SCAPER: variants seen among roughly 807,000 people sequenced by gnomAD.
SCAPER encodes S-phase cyclin A associated protein in the ER, also known as S phase cyclin A-associated protein in the endoplasmic reticulum.
In SCAPER, 98 loss-of-function variants were observed where a neutral mutation model predicts 182.2. The ratio of observed to expected loss-of-function variants is 0.54; its 90% confidence interval spans 0.46 to 0.64. The LOEUF is 0.64. Ranked by LOEUF, SCAPER falls within the 30% of genes least tolerant of loss-of-function variation. The pLI is 0.00. For missense variants in SCAPER, 1,432 were observed against 1,690.0 expected (o/e 0.85, Z 2.68); for synonymous variants, 605 against 564.6 (o/e 1.07, Z -1.01).
At chr15:76,457,050 C>A (rs57858767) in intron 25 of SCAPER, among the ~76,000 whole-genome samples, 1 of 151,324 alleles carries the variant, frequency 6.6e-6, no homozygotes. Context: ...GCCTTGTAAC[C>A]GGAGGGCTTT....
chr15:76,607,749 C>T (rs1047994759), intron 22 of SCAPER, among the ~76,000 whole-genome samples: 3 of 143,178 alleles, frequency 2.1e-5, no homozygotes, highest in Non-Finnish European at 3.1e-5. Flanking sequence ...CTTCCCTTCT[C>T]GCTTCATTTC....
intron 24 of SCAPER, chr15:76,472,289 G>A (rs1304522377): frequency 6.3e-6 from 4 of 634,528 alleles, no homozygotes; most frequent in African/African-American, 5.5e-5. Context: ...CTGGCAGGGA[G>A]GGGAATAACC....
chr15:76,448,236 T>G lies in SCAPER; in HGVS notation c.3079-13926A>C, dbSNP rs376675511. ...TTTTGAAAAATGACTCATCACAATA[T>G]GTAGGCTGCTATGGGAAGGGTTACA... On this transcript the variant is annotated intron_variant, in intron 25 of 31. Coordinates refer to ENST00000563290, the MANE Select transcript of SCAPER (RefSeq NM_020843.4). Among the ~76,000 whole-genome samples, 8 of 152,240 alleles carry G rather than the reference T, an allele frequency of 5.3e-5. No homozygotes were observed. In the East Asian group the frequency reaches 1.4e-3, roughly 26 times the overall value.
At position 76,811,815 on chromosome 15, in the gene SCAPER, A is replaced by T. The variant is rs146947968; in HGVS notation, c.394-7182T>A. Among the ~76,000 whole-genome samples the T allele has an allele frequency of 9.1e-3, 1,381 of 151,762 alleles. 12 individuals are homozygous for T. Among genetic ancestry groups the T allele is most frequent in the African/African-American group, 0.021 (878 of 41,526 alleles). On this transcript the variant is annotated intron_variant, in intron 5 of 31. Transcript: ENST00000563290. Reference sequence around the variant, plus strand: ...AAAAATAAAAAATAAAAAAATAAAAAAAATAAAATAAAAAAGGGAAAACAA... The same window carrying T: ...AAAAATAAAAAATAAAAAAATAAAATAAATAAAATAAAAAAGGGAAAACAA...
At chr15:76,712,759 G>C (rs1471521673) in intron 17 of SCAPER, among the ~76,000 whole-genome samples, 1 of 151,998 alleles carries the variant, frequency 6.6e-6, no homozygotes, top group Non-Finnish European at 1.5e-5. Context: ...TGGTGTATAA[G>C]AATGCTTGTG....
intron 23 of SCAPER, among the ~76,000 whole-genome samples, chr15:76,539,946 C>T (rs1321964631): frequency 6.6e-6 from 1 of 152,118 alleles, no homozygotes; most frequent in Non-Finnish European, 1.5e-5. Context: ...AACACTGAAA[C>T]AGCAAAATCT....
chr15:76,662,954 A>T (rs1598010125), intron 21 of SCAPER, among the ~76,000 whole-genome samples: 1 of 152,144 alleles, frequency 6.6e-6, no homozygotes, highest in South Asian at 2.1e-4. Context: ...AAAAATACTG[A>T]TAAAGCATAT....
chr15:76,520,604 A>C (rs2042761606), intron 23 of SCAPER, among the ~76,000 whole-genome samples: 1 of 148,888 alleles, frequency 6.7e-6, no homozygotes, highest in African/African-American at 2.5e-5. Flanking sequence ...CACACCCCCC[A>C]CCCCCTCAAC....
intron 23 of SCAPER, among the ~76,000 whole-genome samples, chr15:76,526,981 C>T (rs1350149011): frequency 2.0e-5 from 3 of 152,072 alleles, no homozygotes; most frequent in African/African-American, 7.2e-5. Flanking sequence ...AAGCTATTCT[C>T]CTGCCTCAGC....
In SCAPER at chr15:76,559,162, G is replaced by A. The variant is rs564352364; in HGVS notation, c.2838+14996C>T. Among the ~76,000 whole-genome samples, 4 of 149,732 alleles carry A rather than the reference G, an allele frequency of 2.7e-5. No homozygotes were observed. The South Asian group carries it at 8.5e-4, about 32-fold the overall frequency. On this transcript the variant is annotated intron_variant, in intron 23 of 31. Transcript: ENST00000563290. ...CAATTCTCCTGCCTTAGCCTGCTGA[G>A]TAGCTGGGATTATAGGCACCCACCA...
intron 5 of SCAPER, among the ~76,000 whole-genome samples, chr15:76,812,438 C>T (rs576575972): frequency 7.2e-5 from 10 of 138,970 alleles, no homozygotes; most frequent in Admixed American, 3.1e-4. Context: ...CAGTGAGCCA[C>T]GACTATGCAA....
intron 3 of SCAPER, among the ~76,000 whole-genome samples, chr15:76,858,714 C>A (rs757615265): frequency 1.1e-4 from 16 of 152,134 alleles, no homozygotes; most frequent in Non-Finnish European, 2.2e-4. Flanking sequence ...TAAATGAGAA[C>A]GTGCAGTTTT....
chr15:76,682,479 G>A (rs975277935), intron 20 of SCAPER, among the ~76,000 whole-genome samples: 1 of 152,026 alleles, frequency 6.6e-6, no homozygotes, highest in African/African-American at 2.4e-5. Flanking sequence ...TGGAAATCCT[G>A]CCCCACCCCT....
chr15:76,529,809 G>T (rs1223587743), intron 23 of SCAPER, among the ~76,000 whole-genome samples: 1 of 152,344 alleles, frequency 6.6e-6, no homozygotes, highest in East Asian at 1.9e-4. Flanking sequence ...CATGCAAAGA[G>T]TCGGGCAAAT....
chr15:76,857,704 A>T, intron 4 of SCAPER, 105 bp downstream of exon 4: 1 of 748,086 alleles, frequency 1.3e-6, no homozygotes, highest in Admixed American at 3.1e-5. Context: ...ATTTTTATTT[A>T]GATAAATAAT....
At chr15:76,468,618 T>C (rs2049877040) in intron 25 of SCAPER, among the ~76,000 whole-genome samples, 1 of 152,144 alleles carries the variant, frequency 6.6e-6, no homozygotes, top group Non-Finnish European at 1.5e-5. Flanking sequence ...GAGAACTAAC[T>C]CAAATGTCCC....
At chr15:76,726,884 A>C (rs2060628947) in intron 17 of SCAPER, among the ~76,000 whole-genome samples, 1 of 152,070 alleles carries the variant, frequency 6.6e-6, no homozygotes, top group Admixed American at 6.6e-5. Context: ...AGAACACTTC[A>C]GTCTCGGAAA....
intron 24 of SCAPER, among the ~76,000 whole-genome samples, chr15:76,476,236 C>T (rs2050617252): frequency 6.6e-6 from 1 of 152,186 alleles, no homozygotes. Flanking sequence ...TTCGGGTACA[C>T]ATTCTGTGGT....
intron 25 of SCAPER, among the ~76,000 whole-genome samples, chr15:76,468,936 A>G (rs1477414184): frequency 6.6e-6 from 1 of 152,024 alleles, no homozygotes; most frequent in Non-Finnish European, 1.5e-5. Context: ...GCAGTTTGAA[A>G]CCTGGAAGAG....
Sources: gnomAD v4.1 joint callset for allele counts (sites outside exome capture counted in the v4.1 genomes callset) on GRCh38, gnomAD v4.1.1 for gene constraint, MANE v1.5 for transcripts, NCBI Gene and HGNC (gene_info 2026-07-23, HGNC 2026-07-21) for gene names.